Variants in GRID2IP observed in about 807,000 individuals in gnomAD.
GRID2IP encodes the protein Grid2 interacting protein.
GRID2IP carries 78 observed loss-of-function variants against 114.3 expected under a neutral mutation model. That is an observed-to-expected ratio of 0.68 (90% CI 0.57 to 0.82). GRID2IP has a LOEUF of 0.82. Among genes scored for constraint, GRID2IP ranks in the 40% least tolerant of loss-of-function variants. The pLI is 0.00. For missense variants in GRID2IP, 1,727 were observed against 1,678.5 expected (o/e 1.03, Z -0.51); for synonymous variants, 809 against 724.0 (o/e 1.12, Z -1.89).
chr7:6,524,721 C>T (rs1779476042), intron 4 of GRID2IP, among the ~76,000 whole-genome samples: 1 of 150,870 alleles, frequency 6.6e-6, no homozygotes, highest in Non-Finnish European at 1.5e-5. Flanking sequence ...CCTCATCTCT[C>T]GTTTGTTTTT....
chr7:6,502,553 C>T (rs965585703), intron 18 of GRID2IP, among the ~76,000 whole-genome samples: 2 of 152,138 alleles, frequency 1.3e-5, no homozygotes, highest in African/African-American at 4.8e-5. Flanking sequence ...CAACTCTCTT[C>T]CCTCACTCCA....
chr7:6,526,749 T>G lies in GRID2IP; in HGVS notation c.605A>C (p.His202Pro). The G allele has an allele frequency of 5.9e-6, 9 of 1,521,136 alleles. No homozygotes were observed. Among genetic ancestry groups the G allele is most frequent in the Non-Finnish European group, 7.9e-6 (9 of 1,134,030 alleles). The allele number at this position is 1,521,136 out of a possible 1,614,324, so 94.2% of individuals were successfully genotyped here. The change falls in exon 3 of 22, where the codon CAC (histidine) becomes CCC (proline). Residue 202 changes from histidine to proline, a missense_variant. Physicochemically the swap from His to Pro is moderately conservative, Grantham distance 77. Coordinates refer to ENST00000457091, the MANE Select transcript of GRID2IP (RefSeq NM_001145118.2). The surrounding 1 kb of genome is among the most constrained non-coding windows in gnomAD (Gnocchi z 7.6). The part of the protein sequence containing the change: ...DNLRIFIPKK[H>P]RARFDEVVSQ... Reference sequence around the variant, plus strand: ...CACCACCTCGTCGAAGCGCGCCCGGTGCTTCTTGGGGATGAAGATCCTGCC... The same window carrying G: ...CACCACCTCGTCGAAGCGCGCCCGGGGCTTCTTGGGGATGAAGATCCTGCC...
intron 17 of GRID2IP, 27 bp downstream of exon 17, chr7:6,502,981 G>A: frequency 6.4e-7 from 1 of 1,551,244 alleles, no homozygotes. Context: ...AAGCAGATAG[G>A]GTGCCAGGAA....
intron 1 of GRID2IP, among the ~76,000 whole-genome samples, chr7:6,549,036 T>C (rs925161107): frequency 6.6e-6 from 1 of 152,070 alleles, no homozygotes; most frequent in African/African-American, 2.4e-5. Flanking sequence ...ATAAAGGCCT[T>C]AGGACCCCAT....
intron 10 of GRID2IP, 48 bp from the exon 11 acceptor site, chr7:6,510,448 G>T: frequency 7.0e-7 from 1 of 1,419,516 alleles, no homozygotes; most frequent in Non-Finnish European, 9.4e-7. Flanking sequence ...TCCCCTCGTA[G>T]CCCTAATGTG....
chr7:6,525,807 G>A (rs1046670727), intron 4 of GRID2IP, among the ~76,000 whole-genome samples: 29 of 152,150 alleles, frequency 1.9e-4, no homozygotes, highest in Admixed American at 4.6e-4. Context: ...CCAGTTCAGC[G>A]TGGGCACTCC....
At chr7:6,504,295 A>G (rs1049855699) in intron 15 of GRID2IP, among the ~76,000 whole-genome samples, 9 of 147,922 alleles carry the variant, frequency 6.1e-5, no homozygotes, top group Admixed American at 6.0e-4. Context: ...GGCGGGGCCC[A>G]GCAGGGAGAG....
At chr7:6,503,740 G>A (rs568070729) in intron 15 of GRID2IP, 53 bp from the exon 16 acceptor site, 4 of 1,364,894 alleles carry the variant, frequency 2.9e-6, no homozygotes, top group Admixed American at 2.8e-5. Flanking sequence ...GGGCCGGATG[G>A]GACCCAAGAC....
intron 15 of GRID2IP, 126 bp from the exon 16 acceptor site, chr7:6,503,813 G>C: frequency 3.1e-6 from 2 of 643,650 alleles, no homozygotes; most frequent in South Asian, 2.3e-5. Flanking sequence ...GGAGAGGACG[G>C]GGCCTTGAGG....
In GRID2IP at chr7:6,516,562, G is replaced by C. The variant is rs1779305639; in HGVS notation, c.1269-2033C>G. Reference sequence around the variant, plus strand: ...TGCCTGGGAAGGCACCCGTTGCTTAGCAGACCGGGAAAGGGAGTCTCCCTT... The same window carrying C: ...TGCCTGGGAAGGCACCCGTTGCTTACCAGACCGGGAAAGGGAGTCTCCCTT... On this transcript the variant is annotated intron_variant, in intron 7 of 21. Coordinates refer to ENST00000457091, the MANE Select transcript of GRID2IP (RefSeq NM_001145118.2). The surrounding 1 kb of genome is among the most constrained non-coding windows in gnomAD (Gnocchi z 4.3). Among the ~76,000 whole-genome samples, 1 of 152,026 alleles carries C rather than the reference G, an allele frequency of 6.6e-6. No individual in the cohort carries two copies. Among genetic ancestry groups the C allele is most frequent in the South Asian group, 2.1e-4 (1 of 4,822 alleles).
At position 6,528,925 on chromosome 7, in the gene GRID2IP, C is replaced by T. The variant is rs1779566023; in HGVS notation, c.585-2156G>A. On this transcript the variant is annotated intron_variant, in intron 2 of 21. Transcript: ENST00000457091. The surrounding 1 kb of genome is among the most constrained non-coding windows in gnomAD (Gnocchi z 6.0). ...CATCCCCCAGATGGTCATTTAAGGT[C>T]TCCAGAGCCTGACCGCTCCATCTGC... Among the ~76,000 whole-genome samples, 1 of 152,164 alleles carries T rather than the reference C, an allele frequency of 6.6e-6. No homozygotes were observed. Among genetic ancestry groups the T allele is most frequent in the African/African-American group, 2.4e-5 (1 of 41,438 alleles).
At position 6,497,128 on chromosome 7, in the gene GRID2IP, C is replaced by A. The variant is rs755670062; in HGVS notation, c.*646G>T. On this transcript the variant is annotated 3_prime_UTR_variant, in exon 22 of 22. Coordinates refer to ENST00000457091, the MANE Select transcript of GRID2IP (RefSeq NM_001145118.2). ...ACCTATTCCACTCCCAGGCTCCCCA[C>A]TTCCAATTGGGCCACCTCTACACAG... is the stretch of plus-strand genomic sequence containing the variant. Among the ~76,000 whole-genome samples the A allele has an allele frequency of 6.6e-6, 1 of 152,144 alleles. No individual in the cohort carries two copies. The highest frequency in any genetic ancestry group is 6.5e-5 in the Admixed American group (1 of 15,274).
At position 6,502,781 on chromosome 7, in the gene GRID2IP, C is replaced by CT. The variant is rs1453150759; in HGVS notation, c.3150+4dup. 6.5e-7 allele frequency: 1 copy of CT among 1,550,156 alleles called. No individual in the cohort carries two copies. Among genetic ancestry groups the CT allele is most frequent in the East Asian group, 2.4e-5 (1 of 40,918 alleles). On this transcript the variant is annotated splice_donor_region_variant and intron_variant, in intron 18 of 21. Transcript: ENST00000457091. ...CAGTCGATTGCTGCCGGCAGGTCCC[C>CT]TCACCTCTGTCAGAAAGTTGATCTT...
At position 6,532,849 on chromosome 7, in the gene GRID2IP, C is replaced by T. The variant is rs541918027; in HGVS notation, c.585-6080G>A. ...AGACGCCCAGGGTCAAATCCAGGCA[C>T]GCTACCTCAGAGCCAGGTCTCCGTG... On this transcript the variant is annotated intron_variant, in intron 2 of 21. Coordinates refer to ENST00000457091, the MANE Select transcript of GRID2IP (RefSeq NM_001145118.2). The surrounding 1 kb of genome is among the most constrained non-coding windows in gnomAD (Gnocchi z 4.4). Among the ~76,000 whole-genome samples, 40 of 152,310 alleles carry T rather than the reference C, an allele frequency of 2.6e-4. No individual in the cohort carries two copies. The highest frequency in any genetic ancestry group is 8.7e-4 in the African/African-American group (36 of 41,574).
intron 21 of GRID2IP, 89 bp from the exon 22 acceptor site, chr7:6,497,934 TC>T: frequency 1.2e-5 from 17 of 1,406,402 alleles, no homozygotes; most frequent in Non-Finnish European, 1.6e-5. Flanking sequence ...AGACAGCCCA[TC>T]AGGGGGTTAG....
Position 6,521,522 on chromosome 7 carries a change from T to G in GRID2IP, c.991A>C (p.Asn331His). 2 of 1,542,904 alleles carry G rather than the reference T, an allele frequency of 1.3e-6. No individual in the cohort carries two copies. The highest frequency in any genetic ancestry group is 4.9e-5 in the East Asian group (2 of 40,784). Residue 331 changes from asparagine (N) to histidine (H), a missense_variant and splice_region_variant, in exon 6 of 22, where the codon AAC becomes CAC. Transcript: ENST00000457091. This position sits in a 1 kb window ranked among gnomAD's most constrained non-coding sequence, Gnocchi z 4.1. ...ILFLNGLDMR[N>H]CSHDKVVSML... ...GACACCACCTTGTCGTGGGAGCAGT[T>G]CCTGCCAAGCAGAGATGGCCCAGGA...
At position 6,539,817 on chromosome 7, in the gene GRID2IP, A is replaced by G. The variant is rs1020537447; in HGVS notation, c.485T>C (p.Leu162Pro). The G allele has an allele frequency of 5.8e-6, 9 of 1,551,034 alleles. No homozygotes were observed. In the African/African-American group the frequency reaches 1.2e-4, roughly 21 times the overall value. Residue 162 changes from leucine to proline, a missense_variant, in exon 2 of 22, where the codon CTG (leucine) becomes CCG (proline). Leu to Pro is a moderately conservative substitution (Grantham distance 98, BLOSUM62 -3). Transcript: ENST00000457091. ...CCGCTGCTCAGCTGCAAACTGCTTCAGTGCAGCGAACACCTGCTCCTTGGC... is the reference window on the plus strand; with the variant it reads ...CCGCTGCTCAGCTGCAAACTGCTTCGGTGCAGCGAACACCTGCTCCTTGGC... ...PTAKEQVFAA[L>P]KQFAAEQRVD...
intron 1 of GRID2IP, among the ~76,000 whole-genome samples, chr7:6,544,821 C>T (rs968764815): frequency 1.3e-5 from 2 of 151,970 alleles, no homozygotes; most frequent in Non-Finnish European, 2.9e-5. Context: ...GTGGCTCATG[C>T]CTGTAATCCC....
chr7:6,545,418 G>A lies in GRID2IP; in HGVS notation c.430-5546C>T, dbSNP rs1779872668. ...CACTGCAGTTCACTATTGCACTTGA[G>A]GCTCTCCACGACCCAGCTCTGGCGA... On this transcript the variant is annotated intron_variant, in intron 1 of 21. Transcript: ENST00000457091. 2.0e-5 allele frequency among the ~76,000 whole-genome samples: 3 copies of A among 152,164 alleles called. No homozygotes were observed. The South Asian group carries it at 6.2e-4, about 31-fold the overall frequency.
Sources: allele counts gnomAD v4.1 joint callset (sites outside exome capture counted in the v4.1 genomes callset), GRCh38; gene constraint gnomAD v4.1.1; non-coding constraint Gnocchi (gnomAD v3.1); transcripts MANE v1.5; gene names NCBI Gene and HGNC (gene_info 2026-07-23, HGNC 2026-07-21).